Variants in ADGRA1 observed in about 807,000 individuals in gnomAD.
ADGRA1 encodes G-protein coupled receptor 123.
Under a neutral mutation model 21.3 loss-of-function variants are expected in ADGRA1, and 12 were observed. That is an observed-to-expected ratio of 0.56 (90% CI 0.36 to 0.91). The LOEUF (loss-of-function observed/expected upper bound fraction) is 0.91, where lower values mean the gene tolerates loss of function less well. Ranked by LOEUF, ADGRA1 falls within the 40% of genes least tolerant of loss-of-function variation. The pLI is 0.01. For missense variants in ADGRA1, 790 were observed against 805.6 expected (o/e 0.98, Z 0.23); for synonymous variants, 385 against 368.8 (o/e 1.04, Z -0.50).
chr10:133,122,850 CA>C lies in ADGRA1; in HGVS notation c.402-4382del, dbSNP rs879616614. On this transcript the variant is annotated intron_variant, in intron 5 of 6. Coordinates refer to ENST00000392607, the MANE Select transcript of ADGRA1 (RefSeq NM_001083909.3). Reference sequence around the variant, plus strand: ...ACGCGTCCCCAGGCACACGCGTCCCCAGGCACACGCGTCCCCAGGCTGCACT... The same window carrying C: ...ACGCGTCCCCAGGCACACGCGTCCCCGGCACACGCGTCCCCAGGCTGCACT... Among the ~76,000 whole-genome samples the C allele has an allele frequency of 4.0e-3, 603 of 152,328 alleles. 3 individuals are homozygous for C. The highest frequency in any genetic ancestry group is 6.9e-3 in the African/African-American group (286 of 41,568).
intron 2 of ADGRA1, among the ~76,000 whole-genome samples, chr10:133,092,751 GAGGAAGGA>G (rs1298330693): frequency 1.3e-5 from 1 of 77,588 alleles, no homozygotes; most frequent in African/African-American, 6.3e-5. Flanking sequence ...AATAGGGAGG[GAGGAAGGA>G]AGGAAGGAAG....
rs927485972 is a variant in ADGRA1, at chr10:133,088,001, C to G, written c.-340C>G. On this transcript the variant is annotated 5_prime_UTR_variant, in exon 1 of 7. Coordinates refer to ENST00000392607, the MANE Select transcript of ADGRA1 (RefSeq NM_001083909.3). ...GACTCACCGGCCGGCGCCGCAGCCC[C>G]GCAATCTGTTGATAACTCGGTCCCA... The G allele has an allele frequency of 1.0e-6, 1 of 984,876 alleles. No homozygotes were observed. Among genetic ancestry groups the G allele is most frequent in the African/African-American group, 1.7e-5 (1 of 57,182 alleles). The allele number at this position is 984,876 out of a possible 1,614,324, so 61.0% of individuals were successfully genotyped here.
intron 2 of ADGRA1, among the ~76,000 whole-genome samples, chr10:133,090,000 C>T (rs1298216479): frequency 2.6e-5 from 4 of 152,252 alleles, no homozygotes; most frequent in African/African-American, 9.6e-5. Context: ...ACACCCAGCG[C>T]AGCCCCAGGC....
intron 5 of ADGRA1, among the ~76,000 whole-genome samples, chr10:133,118,896 TCA>T (rs1201195425): frequency 2.0e-5 from 3 of 147,688 alleles, no homozygotes; most frequent in Non-Finnish European, 4.5e-5. Context: ...ACACTTACAC[TCA>T]CACACGTACA....
At chr10:133,119,615 C>T (rs1852220549) in intron 5 of ADGRA1, among the ~76,000 whole-genome samples, 1 of 152,222 alleles carries the variant, frequency 6.6e-6, no homozygotes, top group Non-Finnish European at 1.5e-5. Flanking sequence ...ACGGCATCTT[C>T]ACCAGGAGCA....
intron 5 of ADGRA1, among the ~76,000 whole-genome samples, chr10:133,124,825 C>A (rs796711991): frequency 6.8e-6 from 1 of 147,822 alleles, no homozygotes; most frequent in African/African-American, 2.5e-5. Context: ...CGGAGCACCC[C>A]CTTCCCCCGG....
intron 5 of ADGRA1, among the ~76,000 whole-genome samples, chr10:133,103,629 T>C (rs1851840417): frequency 6.6e-6 from 1 of 152,106 alleles, no homozygotes; most frequent in Admixed American, 6.5e-5. Flanking sequence ...TCTCCCTCAG[T>C]CCAGAGCCAG....
chr10:133,105,765 C>T (rs1230269981), intron 5 of ADGRA1, among the ~76,000 whole-genome samples: 2 of 152,202 alleles, frequency 1.3e-5, no homozygotes, highest in African/African-American at 2.4e-5. Flanking sequence ...GGAACCTGCC[C>T]TCTGGTCAGG....
At chr10:133,093,263 A>C in intron 2 of ADGRA1, 1 of 1,575,354 alleles carries the variant, frequency 6.3e-7, no homozygotes, top group Non-Finnish European at 8.6e-7. Flanking sequence ...AGAAAGGTTA[A>C]GTTTTGATCA....
At chr10:133,124,401 G>A (rs983607742) in intron 5 of ADGRA1, among the ~76,000 whole-genome samples, 2 of 152,186 alleles carry the variant, frequency 1.3e-5, no homozygotes, top group African/African-American at 4.8e-5. Flanking sequence ...GGATTTCACC[G>A]AGATTCAGAT....
chr10:133,118,073 C>T (rs1006250834), intron 5 of ADGRA1, among the ~76,000 whole-genome samples: 4 of 152,310 alleles, frequency 2.6e-5, no homozygotes, highest in Admixed American at 2.0e-4. Flanking sequence ...CCCAAACTGA[C>T]ACCACCGTCC....
At chr10:133,116,908 C>G (rs924898696) in intron 5 of ADGRA1, among the ~76,000 whole-genome samples, 2 of 152,308 alleles carry the variant, frequency 1.3e-5, no homozygotes, top group East Asian at 1.9e-4. Context: ...AGATGCAGGT[C>G]TGACCCCCAG....
At chr10:133,089,097 G>A (rs1198915948) in intron 2 of ADGRA1, 185 bp downstream of exon 2, 14 of 1,115,060 alleles carry the variant, frequency 1.3e-5, no homozygotes, top group Non-Finnish European at 1.5e-5. Context: ...CGCGTGTCTG[G>A]GCACCTCTGC....
intron 2 of ADGRA1, chr10:133,095,785 C>A (rs1405829634): frequency 1.3e-6 from 2 of 1,598,250 alleles, no homozygotes; most frequent in Admixed American, 3.3e-5. Flanking sequence ...ACACAGGTGA[C>A]ACTGCCTCTG....
In ADGRA1 at chr10:133,098,705, C is replaced by G; in HGVS notation, c.197C>G (p.Thr66Ser). The G allele has an allele frequency of 6.2e-7, 1 of 1,612,008 alleles. No individual in the cohort carries two copies. The highest frequency in any genetic ancestry group is 8.5e-7 in the Non-Finnish European group (1 of 1,179,970). ...AATTTCTGCTTCCACGCGGCCCTGA[C>G]CTTCACTGTGTTCGCCGGCGGCATC... ...LLNFCFHAAL[T>S]FTVFAGGINR... Residue 66 changes from threonine (T) to serine (S), a missense_variant, in exon 4 of 7, where the codon ACC becomes AGC. This residue lies in a region of ADGRA1 where 382 missense variants were observed against 415.6 expected (regional missense o/e 0.92). Coordinates refer to ENST00000392607, the MANE Select transcript of ADGRA1 (RefSeq NM_001083909.3).
chr10:133,099,928 G>A (rs1851760222), intron 4 of ADGRA1, among the ~76,000 whole-genome samples: 1 of 152,196 alleles, frequency 6.6e-6, no homozygotes, highest in Admixed American at 6.5e-5. Flanking sequence ...CTCATGCAGG[G>A]GTGTCTGGGG....
rs374092448 is a variant in ADGRA1 at position 133,128,838 on chromosome 10, C to T, written c.1010C>T (p.Ala337Val). 1.1e-4 allele frequency: 183 copies of T among 1,592,466 alleles called. No homozygotes were observed. In the African/African-American group the frequency reaches 2.0e-3, roughly 18 times the overall value. ...CCCGCACTTGACGCCAACGGGGCCG[C>T]GCTGGGCCGCGCCGCCTGCCTGCAC... is the stretch of plus-strand genomic sequence containing the variant. Reference protein sequence around the residue: ...AHPALDANGAALGRAACLHSP... With the variant: ...AHPALDANGAVLGRAACLHSP... The change falls in exon 7 of 7, where the codon GCG (alanine) becomes GTG (valine). Residue 337 changes from alanine (A) to valine (V), a missense_variant. Physicochemically the swap from Ala to Val is moderately conservative, Grantham distance 64. Coordinates refer to ENST00000392607, the MANE Select transcript of ADGRA1 (RefSeq NM_001083909.3).
At chr10:133,126,188 A>C (rs1852371773) in intron 5 of ADGRA1, among the ~76,000 whole-genome samples, 1 of 152,180 alleles carries the variant, frequency 6.6e-6, no homozygotes, top group Non-Finnish European at 1.5e-5. Context: ...CTCTCCCTCC[A>C]CCCTGAAGAA....
rs770988396 is a variant in ADGRA1, at chr10:133,128,965, G to A, written c.1137G>A (p.Pro379=). ...AAQGHASCLS[P]ATPCCAKMHC... ...AGGGCCACGCCAGTTGCCTGTCACC[G>A]GCCACCCCGTGCTGCGCCAAGATGC... The change falls in exon 7 of 7, where the codon CCG becomes CCA. Residue 379 remains proline, a synonymous_variant. Coordinates refer to ENST00000392607, the MANE Select transcript of ADGRA1 (RefSeq NM_001083909.3). 4.1e-5 allele frequency: 64 copies of A among 1,556,234 alleles called. No homozygotes were observed. The South Asian group carries it at 5.2e-4, about 13-fold the overall frequency.
Sources: allele counts gnomAD v4.1 joint callset (sites outside exome capture counted in the v4.1 genomes callset), GRCh38; gene constraint gnomAD v4.1.1; regional missense constraint gnomAD v4.1.1; transcripts MANE v1.5; gene names NCBI Gene and HGNC (gene_info 2026-07-23, HGNC 2026-07-21).